The following ST8SIA1 variants were observed in gnomAD, a reference collection of about 807,000 sequenced individuals.
ST8SIA1 encodes the protein ST8 alpha-N-acetyl-neuraminide alpha-2,8-sialyltransferase 1, also known as alpha-N-acetylneuraminide alpha-2,8-sialyltransferase.
Under a neutral mutation model 35.9 loss-of-function variants are expected in ST8SIA1, and 16 were observed. The ratio of observed to expected loss-of-function variants is 0.45; its 90% CI spans 0.30 to 0.68. ST8SIA1 has a LOEUF of 0.68. ST8SIA1 is among the 30% of genes least tolerant of loss of function. ST8SIA1 has a pLI of 0.09. For synonymous variants in ST8SIA1, 170 were observed against 169.6 expected (o/e 1.00, Z -0.02); for missense variants, 383 against 453.6 (o/e 0.84, Z 1.41).
At chr12:22,303,915 C>T (rs774815787) in intron 1 of ST8SIA1, among the ~76,000 whole-genome samples, 8 of 149,586 alleles carry the variant, frequency 5.3e-5, no homozygotes, top group African/African-American at 7.4e-5. Flanking sequence ...GGGAGAAAAA[C>T]GAACAGCAAA....
intron 3 of ST8SIA1, among the ~76,000 whole-genome samples, chr12:22,249,465 C>A (rs750775095): frequency 6.6e-6 from 1 of 152,124 alleles, no homozygotes; most frequent in African/African-American, 2.4e-5. Flanking sequence ...TGTGATCTGC[C>A]CGCCTTGGCC....
intron 1 of ST8SIA1, among the ~76,000 whole-genome samples, chr12:22,319,549 AGGCTGG>A (rs1866557832): frequency 6.6e-6 from 1 of 152,220 alleles, no homozygotes; most frequent in Non-Finnish European, 1.5e-5. Context: ...TTTCAGTCCA[AGGCTGG>A]AGATGCAGCT....
chr12:22,243,481 A>G (rs1456400722), intron 4 of ST8SIA1, among the ~76,000 whole-genome samples: 1 of 152,220 alleles, frequency 6.6e-6, no homozygotes, highest in East Asian at 1.9e-4. Flanking sequence ...CATCATCTAT[A>G]TTTTAATCCC....
chr12:22,207,844 C>T (rs1865130073), intron 4 of ST8SIA1, among the ~76,000 whole-genome samples: 1 of 151,856 alleles, frequency 6.6e-6, no homozygotes, highest in Non-Finnish European at 1.5e-5. Context: ...ATTTAAAACA[C>T]ATAAAATAGA....
chr12:22,324,427 T>C (rs1866646268), intron 1 of ST8SIA1: 1 of 152,148 alleles, frequency 6.6e-6, no homozygotes, highest in African/African-American at 2.4e-5. Context: ...ACAACATAAA[T>C]ATCCAATAAC....
intron 1 of ST8SIA1, among the ~76,000 whole-genome samples, chr12:22,315,635 T>C (rs1866508960): frequency 6.6e-6 from 1 of 151,772 alleles, no homozygotes; most frequent in Non-Finnish European, 1.5e-5. Flanking sequence ...CGAGAACCTA[T>C]AGTGAAGGGC....
chr12:22,244,330 T>C (rs1865574284), intron 4 of ST8SIA1, among the ~76,000 whole-genome samples: 1 of 152,084 alleles, frequency 6.6e-6, no homozygotes, highest in Non-Finnish European at 1.5e-5. Flanking sequence ...CTTCTAGCAA[T>C]CCAGAGGTCC....
At chr12:22,255,455 T>G in intron 2 of ST8SIA1, 66 bp from the exon 3 acceptor site, 1 of 1,339,322 alleles carries the variant, frequency 7.5e-7, no homozygotes, top group Non-Finnish European at 1.1e-6. Flanking sequence ...AAATCATTGT[T>G]TACAGCAGAC....
At position 22,193,702 on chromosome 12, in the gene ST8SIA1, A is replaced by C. The variant is rs904020018; in HGVS notation, c.*7850T>G. 2 of 152,192 alleles carry C rather than the reference A, an allele frequency of 1.3e-5. No individual in the cohort carries two copies. The highest frequency in any genetic ancestry group is 2.9e-5 in the Non-Finnish European group (2 of 68,026). The allele number at this position is 152,192 out of a possible 1,614,324, so 9.4% of individuals were successfully genotyped here. A position where few individuals can be genotyped will look rare whatever the true frequency, so the allele number is the denominator to read the frequency against. ...AAACTCTACAAAAAGAATTGAGCAC[A>C]CTGATTTTCTCCACACTTTTTGCCA... On this transcript the variant is annotated 3_prime_UTR_variant, in exon 5 of 5. Coordinates refer to ENST00000396037, the MANE Select transcript of ST8SIA1 (RefSeq NM_003034.4).
chr12:22,318,413 C>T (rs937756581), intron 1 of ST8SIA1, among the ~76,000 whole-genome samples: 1 of 152,200 alleles, frequency 6.6e-6, no homozygotes, highest in African/African-American at 2.4e-5. Flanking sequence ...TTCTAGGCTT[C>T]CACCTCTTAC....
At chr12:22,260,242 G>A (rs1275434189) in intron 2 of ST8SIA1, among the ~76,000 whole-genome samples, 4 of 151,256 alleles carry the variant, frequency 2.6e-5, no homozygotes, top group Admixed American at 2.0e-4. Context: ...GCTCACTGCA[G>A]CCTTGATCTC....
intron 4 of ST8SIA1, among the ~76,000 whole-genome samples, chr12:22,247,162 C>T (rs1447576880): frequency 1.5e-5 from 2 of 134,362 alleles, no homozygotes; most frequent in East Asian, 5.0e-4. Flanking sequence ...TCAGCTTGTT[C>T]TAAATCTTGC....
At chr12:22,230,317 T>C (rs1865404681) in intron 4 of ST8SIA1, among the ~76,000 whole-genome samples, 1 of 152,192 alleles carries the variant, frequency 6.6e-6, no homozygotes, top group Non-Finnish European at 1.5e-5. Context: ...TAAGAGCCTC[T>C]AGTCTTAGAG....
In ST8SIA1 at chr12:22,223,852, C is replaced by G; in HGVS notation, c.585-21814G>C. The G allele has an allele frequency of 4.5e-6, 5 of 1,113,920 alleles. No individual in the cohort carries two copies. The South Asian group carries it at 9.5e-5, about 21-fold the overall frequency. The allele number at this position is 1,113,920 out of a possible 1,614,324, so 69.0% of individuals were successfully genotyped here. A position where few individuals can be genotyped will look rare whatever the true frequency, so the allele number is the denominator to read the frequency against. On this transcript the variant is annotated intron_variant, in intron 4 of 4. Transcript: ENST00000396037. The stretch of plus-strand genomic sequence containing the variant: ...CAATATCCTTAACAATAGAATGTTT[C>G]TAATTGTGCAAAATAATACTTAATT...
chr12:22,251,988 T>C (rs1263345798), intron 3 of ST8SIA1, among the ~76,000 whole-genome samples: 2 of 152,214 alleles, frequency 1.3e-5, no homozygotes, highest in African/African-American at 2.4e-5. Flanking sequence ...AACCAGTTCC[T>C]TTTGAGGATG....
intron 1 of ST8SIA1, among the ~76,000 whole-genome samples, chr12:22,324,139 A>G (rs920954893): frequency 6.6e-6 from 1 of 152,264 alleles, no homozygotes; most frequent in Non-Finnish European, 1.5e-5. Flanking sequence ...TCATTGGTTA[A>G]ATACATTTAA....
At chr12:22,295,236 TGAA>T (rs1355130926) in intron 1 of ST8SIA1, among the ~76,000 whole-genome samples, 1 of 151,920 alleles carries the variant, frequency 6.6e-6, no homozygotes, top group Non-Finnish European at 1.5e-5. Context: ...CTGAAGGAGG[TGAA>T]GAAGAAAGCC....
rs965755966 is a variant in ST8SIA1, at chr12:22,195,018, T to A, written c.*6534A>T. On this transcript the variant is annotated 3_prime_UTR_variant, in exon 5 of 5. Coordinates refer to ENST00000396037, the MANE Select transcript of ST8SIA1 (RefSeq NM_003034.4). ...GACCAATATGGAGAAACCCCATCTCTACTAAAAGTACAAAATTAGCCGGGT... is the reference window on the plus strand; with the variant it reads ...GACCAATATGGAGAAACCCCATCTCAACTAAAAGTACAAAATTAGCCGGGT... 6.6e-6 allele frequency: 1 copy of A among 152,380 alleles called. No homozygotes were observed. The highest frequency in any genetic ancestry group is 6.6e-5 in the Admixed American group (1 of 15,234). 9.4% of individuals were successfully genotyped at this position (152,380 alleles called of 1,614,324 possible). A position where few individuals can be genotyped will look rare whatever the true frequency, so the allele number is the denominator to read the frequency against.
At chr12:22,276,392 T>C (rs1171861562) in intron 2 of ST8SIA1, among the ~76,000 whole-genome samples, 2 of 152,216 alleles carry the variant, frequency 1.3e-5, no homozygotes, top group African/African-American at 4.8e-5. Context: ...TTTGGGTTTC[T>C]TTCTAGAAGA....
Sources: gnomAD v4.1 joint callset for allele counts (sites outside exome capture counted in the v4.1 genomes callset) on GRCh38, gnomAD v4.1.1 for gene constraint, MANE v1.5 for transcripts, NCBI Gene and HGNC (gene_info 2026-07-23, HGNC 2026-07-21) for gene names.